The following SAMD5 variants were observed in gnomAD, a reference collection of about 807,000 sequenced individuals.
SAMD5 encodes sterile alpha motif domain-containing protein 5.
A neutral mutation model predicts 11.3 loss-of-function variants in SAMD5; 13 were observed. That is an observed-to-expected ratio of 1.15 (90% confidence interval 0.75 to 1.83). SAMD5 has a LOEUF of 1.83. Ranked by LOEUF, SAMD5 falls within the 40% of genes most tolerant of loss-of-function variation. SAMD5 has a pLI of 0.00. For missense variants in SAMD5, 255 were observed against 239.1 expected (o/e 1.07, Z -0.44); for synonymous variants, 129 against 111.3 (o/e 1.16, Z -1.00).
chr6:147,711,135 T>C lies in SAMD5; in HGVS notation c.163-26182T>C, dbSNP rs1002583114. Among the ~76,000 whole-genome samples, 2 of 152,032 alleles carry C rather than the reference T, an allele frequency of 1.3e-5. No individual in the cohort carries two copies. The highest frequency in any genetic ancestry group is 2.9e-5 in the Non-Finnish European group (2 of 67,990). On this transcript the variant is annotated intron_variant, in intron 1 of 1. Transcript: ENST00000566741. This position sits in a 1 kb window ranked among gnomAD's most constrained non-coding sequence, Gnocchi z 4.1. ...GGGAGGGTGTTGTAGAGAGAAGGAATTGGTATTAATGGAGAACTTATTATT... is the reference window on the plus strand; with the variant it reads ...GGGAGGGTGTTGTAGAGAGAAGGAACTGGTATTAATGGAGAACTTATTATT...
chr6:147,794,318 T>C, the SAMD5 span, among the ~76,000 whole-genome samples: 2 of 152,152 alleles, frequency 1.3e-5, no homozygotes, highest in Admixed American at 6.6e-5. Flanking sequence ...TCAATAAATA[T>C]TACTTTTCTT....
intron 1 of SAMD5, among the ~76,000 whole-genome samples, chr6:147,655,151 T>C (rs117774047): frequency 0.089 from 13,517 of 152,228 alleles, 881 homozygotes; most frequent in East Asian, 0.26. Context: ...TCAGGCTAGT[T>C]TGGGCACACA....
intron 1 of SAMD5, among the ~76,000 whole-genome samples, chr6:147,648,572 G>A (rs905352119): frequency 6.6e-6 from 1 of 152,200 alleles, no homozygotes; most frequent in African/African-American, 2.4e-5. Flanking sequence ...CCTTTTAGCT[G>A]ATGTACAAGA....
the SAMD5 span, among the ~76,000 whole-genome samples, chr6:147,891,982 C>T: frequency 6.6e-6 from 1 of 152,134 alleles, no homozygotes; most frequent in Non-Finnish European, 1.5e-5. Context: ...GGGTCAACAG[C>T]CCTCTCCAGT....
chr6:147,758,104 C>A, the SAMD5 span, among the ~76,000 whole-genome samples: 1 of 152,046 alleles, frequency 6.6e-6, no homozygotes, highest in South Asian at 2.1e-4. Flanking sequence ...GGTAACAGAG[C>A]CATAATTTAT....
At chr6:147,537,569 G>T (rs906010752) in intron 1 of SAMD5, among the ~76,000 whole-genome samples, 1 of 150,648 alleles carries the variant, frequency 6.6e-6, no homozygotes. Flanking sequence ...TGGCTAACCC[G>T]GTGAAACCCC....
chr6:147,666,465 C>T lies in SAMD5; in HGVS notation c.163-70852C>T, dbSNP rs748329344. Among the ~76,000 whole-genome samples the T allele has an allele frequency of 1.1e-4, 16 of 152,152 alleles. 1 individual carries two copies. The highest frequency in any genetic ancestry group is 5.9e-5 in the Non-Finnish European group (4 of 68,034). The stretch of plus-strand genomic sequence containing the variant: ...CCTGTTTCTGCTTTTGTGCTGGCTG[C>T]TAAAGCTTCAGGCCCTTCCTCCTCA... On this transcript the variant is annotated intron_variant, in intron 1 of 1. Transcript: ENST00000566741.
intron 1 of SAMD5, among the ~76,000 whole-genome samples, chr6:147,731,762 GCT>G (rs1791719204): frequency 8.3e-6 from 1 of 120,758 alleles, no homozygotes; most frequent in African/African-American, 3.2e-5. Context: ...TCACTTTTTA[GCT>G]CCAATAGTAA....
chr6:147,767,653 A>T, the SAMD5 span, among the ~76,000 whole-genome samples: 8 of 152,164 alleles, frequency 5.3e-5, no homozygotes, highest in Non-Finnish European at 1.2e-4. Context: ...GAAGGTGACC[A>T]TCTGCAAGCC....
At chr6:147,927,390 G>T in the SAMD5 span, among the ~76,000 whole-genome samples, 1 of 152,114 alleles carries the variant, frequency 6.6e-6, no homozygotes, top group East Asian at 1.9e-4. Flanking sequence ...TCTCTGGTTA[G>T]CTGTATTCCT....
the SAMD5 span, among the ~76,000 whole-genome samples, chr6:147,874,823 G>C: frequency 6.6e-6 from 1 of 151,728 alleles, no homozygotes; most frequent in Admixed American, 6.6e-5. Flanking sequence ...TAATTTTAGT[G>C]GTCCTTTATG....
At chr6:147,598,535 G>A (rs1199239581) in intron 1 of SAMD5, among the ~76,000 whole-genome samples, 2 of 152,160 alleles carry the variant, frequency 1.3e-5, no homozygotes, top group Admixed American at 6.5e-5. Context: ...TGGGTTCGAG[G>A]CATTCATCTA....
At chr6:147,709,288 T>G (rs567295601) in intron 1 of SAMD5, among the ~76,000 whole-genome samples, 75 of 152,202 alleles carry the variant, frequency 4.9e-4, no homozygotes, top group Non-Finnish European at 7.9e-4. Context: ...CTTAAGATAT[T>G]AGGATTCTCT....
At chr6:147,821,050 T>C in the SAMD5 span, among the ~76,000 whole-genome samples, 3 of 152,242 alleles carry the variant, frequency 2.0e-5, no homozygotes, top group Non-Finnish European at 2.9e-5. Context: ...TGCATGTAAC[T>C]GCAGTGCCAG....
At chr6:147,534,115 TAGAGGTGAAGGACTGCA>T (rs1788471232) in intron 1 of SAMD5, among the ~76,000 whole-genome samples, 1 of 152,066 alleles carries the variant, frequency 6.6e-6, no homozygotes. Context: ...GTACCTAGAA[TAGAGGTGAAGGACTGCA>T]AGAGGAATGT....
chr6:147,741,458 A>G (rs1791878727), downstream of SAMD5: 1 of 152,176 alleles, frequency 6.6e-6, no homozygotes, highest in African/African-American at 2.4e-5. Flanking sequence ...TGTTGGTTTT[A>G]TTAGTACTAG....
chr6:147,858,911 T>G, the SAMD5 span, among the ~76,000 whole-genome samples: 1 of 152,314 alleles, frequency 6.6e-6, no homozygotes, highest in South Asian at 2.1e-4. Flanking sequence ...AAAGTCCCTC[T>G]TGGGATTTGC....
At chr6:147,882,004 A>G in the SAMD5 span, among the ~76,000 whole-genome samples, 15 of 152,256 alleles carry the variant, frequency 9.9e-5, no homozygotes, top group African/African-American at 3.6e-4. Flanking sequence ...AGGCTCACCT[A>G]AAAGGGTTTT....
At chr6:147,843,698 C>T in the SAMD5 span, among the ~76,000 whole-genome samples, 3 of 152,102 alleles carry the variant, frequency 2.0e-5, no homozygotes, top group Non-Finnish European at 4.4e-5. Context: ...CACAAATTTA[C>T]AGTCAATTGA....
Sources: allele counts gnomAD v4.1 joint callset (sites outside exome capture counted in the v4.1 genomes callset), GRCh38; gene constraint gnomAD v4.1.1; non-coding constraint Gnocchi (gnomAD v3.1); transcripts MANE v1.5; gene names NCBI Gene and HGNC (gene_info 2026-07-23, HGNC 2026-07-21).